Variants in CSNK1D observed in about 807,000 individuals in gnomAD.
The protein encoded by CSNK1D is casein kinase 1 delta.
In CSNK1D, 16 loss-of-function variants were observed where a neutral mutation model predicts 46.6. The observed-to-expected ratio is 0.34, with a 90% CI of 0.23 to 0.52. The LOEUF is 0.52. CSNK1D is among the 20% of genes least tolerant of loss of function. The pLI is 0.95. For missense variants in CSNK1D, 398 were observed against 578.4 expected (o/e 0.69, Z 3.20); for synonymous variants, 276 against 228.2 (o/e 1.21, Z -1.89).
rs1275670309 is a variant in CSNK1D, at chr17:82,255,852, C to G, written c.188-275G>C. Among the ~76,000 whole-genome samples the G allele has an allele frequency of 6.6e-6, 1 of 152,218 alleles. No individual in the cohort carries two copies. The highest frequency in any genetic ancestry group is 1.9e-4 in the East Asian group (1 of 5,190). Reference sequence around the variant, plus strand: ...GGGGATCGAAGCCCCACCTCCCCGACTCCCGTCTTCTAGGGCAGGGGGGCA... The same window carrying G: ...GGGGATCGAAGCCCCACCTCCCCGAGTCCCGTCTTCTAGGGCAGGGGGGCA... On this transcript the variant is annotated intron_variant, in intron 2 of 8. Coordinates refer to ENST00000314028, the MANE Select transcript of CSNK1D (RefSeq NM_001893.6). The surrounding 1 kb of genome is among the most constrained non-coding windows in gnomAD (Gnocchi z 5.9).
chr17:82,246,712 C>T, intron 8 of CSNK1D: 4 of 992,642 alleles, frequency 4.0e-6, no homozygotes, highest in Non-Finnish European at 4.8e-6. Context: ...CATCCACACC[C>T]AGCCACGGCC....
downstream of CSNK1D, chr17:82,239,793 C>T (rs368852326): frequency 1.8e-4 from 72 of 398,464 alleles, no homozygotes; most frequent in South Asian, 2.4e-3. Flanking sequence ...TTCCCTTTTT[C>T]GCCCCTCTGC....
At position 82,249,495 on chromosome 17, in the gene CSNK1D, G is replaced by A. The variant is rs776544101; in HGVS notation, c.993C>T (p.Ser331=). The A allele has an allele frequency of 2.1e-5, 32 of 1,543,580 alleles. No homozygotes were observed. The highest frequency in any genetic ancestry group is 7.3e-5 in the East Asian group (3 of 40,944). Reference sequence around the variant, plus strand: ...CTTCCTGCGTCCCCCGCAGGCGGCCGGAGGCTGTGGAAGGGAGGCCGCGGG... The same window carrying A: ...CTTCCTGCGTCCCCCGCAGGCGGCCAGAGGCTGTGGAAGGGAGGCCGCGGG... ...PATRGLPSTA[S]GRLRGTQEVA... Residue 331 remains serine, a synonymous_variant, in exon 7 of 9, where the codon TCC becomes TCT. Transcript: ENST00000314028. The surrounding 1 kb of genome is among the most constrained non-coding windows in gnomAD (Gnocchi z 6.7).
chr17:82,271,349 C>T (rs924312081), intron 1 of CSNK1D, among the ~76,000 whole-genome samples: 7 of 152,220 alleles, frequency 4.6e-5, no homozygotes, highest in African/African-American at 1.2e-4. Flanking sequence ...GGATTACAGG[C>T]GTGAGCCACC....
At chr17:82,260,339 TACTGACTGA>T (rs2051299642) in intron 2 of CSNK1D, among the ~76,000 whole-genome samples, 1 of 138,988 alleles carries the variant, frequency 7.2e-6, no homozygotes, top group South Asian at 2.2e-4. Flanking sequence ...ACTGATGGTG[TACTGACTGA>T]TGTGACTGAT....
rs773144315 is a variant in CSNK1D, at chr17:82,266,206, G to A, written c.77-410C>T. Among the ~76,000 whole-genome samples, 41 of 152,252 alleles carry A rather than the reference G, an allele frequency of 2.7e-4. No homozygotes were observed. In the Middle Eastern group the frequency reaches 0.017, roughly 63 times the overall value. On this transcript the variant is annotated intron_variant, in intron 1 of 8. Coordinates refer to ENST00000314028, the MANE Select transcript of CSNK1D (RefSeq NM_001893.6). ...TCTCCATGCTGCCTGATAGGCCTCC[G>A]AGGGGGTGGTTTGAGTTTCCCCCTG...
At chr17:82,239,090 C>A, downstream of CSNK1D, 1 of 1,040,650 alleles carries the variant, frequency 9.6e-7, no homozygotes. Context: ...CTCCAGCTGC[C>A]GGCCCAGCGG....
In CSNK1D at chr17:82,248,916, G is replaced by T; in HGVS notation, c.1156C>A (p.Leu386Ile). The change falls in exon 8 of 9, where the codon CTC becomes ATC. Residue 386 changes from leucine (L) to isoleucine (I), a missense_variant. Physicochemically the swap from Leu to Ile is conservative, Grantham distance 5. This residue lies in a region of CSNK1D where 181 missense variants were observed against 208.0 expected (regional missense o/e 0.87). Transcript: ENST00000314028. The surrounding 1 kb of genome is among the most constrained non-coding windows in gnomAD (Gnocchi z 4.1). The stretch of plus-strand genomic sequence containing the variant: ...CGAGAGGTATCTTGTCGGCCTGTGA[G>T]GTCGGACGAGGAGATGTTGACGGGG... ...GAPVNISSSDLTGRQDTSRMS... is the reference protein window; with the variant it reads ...GAPVNISSSDITGRQDTSRMS... 1 of 1,609,346 alleles carries T rather than the reference G, an allele frequency of 6.2e-7. No individual in the cohort carries two copies.
chr17:82,251,582 GTC>G lies in CSNK1D; in HGVS notation c.737-57_737-56del, dbSNP rs1652470222. On this transcript the variant is annotated intron_variant, in intron 5 of 8. Coordinates refer to ENST00000314028, the MANE Select transcript of CSNK1D (RefSeq NM_001893.6). This position sits in a 1 kb window ranked among gnomAD's most constrained non-coding sequence, Gnocchi z 4.5. ...ATGAAACCCAACTGCGACTCAAGGT[GTC>G]TCTGCCAACGTCGCTGTCTACCTCC... 19 of 1,598,866 alleles carry G rather than the reference GTC, an allele frequency of 1.2e-5. No homozygotes were observed. In the South Asian group the frequency reaches 1.7e-4, roughly 14 times the overall value.
downstream of CSNK1D, chr17:82,240,038 G>T (rs533227051): frequency 8.1e-7 from 1 of 1,233,684 alleles, no homozygotes; most frequent in African/African-American, 1.6e-5. Context: ...GCGTGCAGCC[G>T]GAGAGATGCC....
chr17:82,244,649 G>A lies in CSNK1D; in HGVS notation c.*132C>T. Reference sequence around the variant, plus strand: ...TATGTTTCCCCCACGAGCGTCGCTGGGTGAGTGGCCTGGAGAGCTCCCGGT... The same window carrying A: ...TATGTTTCCCCCACGAGCGTCGCTGAGTGAGTGGCCTGGAGAGCTCCCGGT... On this transcript the variant is annotated 3_prime_UTR_variant, in exon 9 of 9. Transcript: ENST00000314028. 3 of 1,559,088 alleles carry A rather than the reference G, an allele frequency of 1.9e-6. No individual in the cohort carries two copies. Among genetic ancestry groups the A allele is most frequent in the Non-Finnish European group, 2.6e-6 (3 of 1,157,830 alleles).
At chr17:82,260,187 A>C (rs1267319334) in intron 2 of CSNK1D, among the ~76,000 whole-genome samples, 1 of 132,744 alleles carries the variant, frequency 7.5e-6, no homozygotes, top group Non-Finnish European at 1.6e-5. Flanking sequence ...TGGTGTACTG[A>C]GTGGTGACTG....
intron 3 of CSNK1D, 158 bp from the exon 4 acceptor site, chr17:82,253,402 T>C (rs1022154017): frequency 1.3e-5 from 9 of 706,350 alleles, no homozygotes; most frequent in East Asian, 2.8e-5. Context: ...ACTGACCAAA[T>C]TGTTCCCCCA....
chr17:82,253,746 G>A (rs1220937169), intron 3 of CSNK1D: 3 of 334,708 alleles, frequency 9.0e-6, no homozygotes, highest in Non-Finnish European at 1.7e-5. Context: ...GCCTCCAGAA[G>A]CCTCGAGAAG....
Position 82,273,186 on chromosome 17 carries a change from G to A in CSNK1D, c.76+120C>T. On this transcript the variant is annotated intron_variant, in intron 1 of 8. Transcript: ENST00000314028. The surrounding 1 kb of genome is among the most constrained non-coding windows in gnomAD (Gnocchi z 5.1). Reference sequence around the variant, plus strand: ...CGTTGGGTTCTGGCCACGATCCGGCGGTGCCGGGACTTGCGCGGAGACCCC... The same window carrying A: ...CGTTGGGTTCTGGCCACGATCCGGCAGTGCCGGGACTTGCGCGGAGACCCC... 1.9e-6 allele frequency: 2 copies of A among 1,039,624 alleles called. No homozygotes were observed. Among genetic ancestry groups the A allele is most frequent in the South Asian group, 1.5e-5 (1 of 67,536 alleles). The allele number at this position is 1,039,624 out of a possible 1,614,324, so 64.4% of individuals were successfully genotyped here. A position where few individuals can be genotyped will look rare whatever the true frequency, so the allele number is the denominator to read the frequency against.
In CSNK1D at chr17:82,253,223, G is replaced by C; in HGVS notation, c.358C>G (p.His120Asp). 3.1e-6 allele frequency: 5 copies of C among 1,614,068 alleles called. No homozygotes were observed. The highest frequency in any genetic ancestry group is 4.2e-6 in the Non-Finnish European group (5 of 1,179,960). Residue 120 changes from histidine (H) to aspartate (D), a missense_variant, in exon 4 of 9, where the codon CAT becomes GAT. By Grantham distance (81) the His-to-Asp change is moderately conservative. Transcript: ENST00000314028. Reference protein sequence around the residue: ...DQMISRIEYIHSKNFIHRDVK... With the variant: ...DQMISRIEYIDSKNFIHRDVK... ...TCCCGGTGGATGAAGTTCTTTGAAT[G>C]AATGTATTCGATGCGACTGATCTGT...
chr17:82,247,976 C>A, intron 8 of CSNK1D: 1 of 985,492 alleles, frequency 1.0e-6, no homozygotes, highest in Non-Finnish European at 1.2e-6. Context: ...CAGCTACACC[C>A]AGCCCCGCTC....
In CSNK1D at chr17:82,243,112, T is replaced by G. The variant is rs1318702462; in HGVS notation, c.*1669A>C. 2.0e-6 allele frequency: 2 copies of G among 985,352 alleles called. No homozygotes were observed. The highest frequency in any genetic ancestry group is 2.4e-6 in the Non-Finnish European group (2 of 829,980). The allele number at this position is 985,352 out of a possible 1,614,324, so 61.0% of individuals were successfully genotyped here. A position where few individuals can be genotyped will look rare whatever the true frequency, so the allele number is the denominator to read the frequency against. On this transcript the variant is annotated 3_prime_UTR_variant, in exon 9 of 9. Transcript: ENST00000314028. ...CAGCTCCCACCCGCTCAAGGCCCCGTACTCCAAAACGCTTACACAGTAACC... is the reference window on the plus strand; with the variant it reads ...CAGCTCCCACCCGCTCAAGGCCCCGGACTCCAAAACGCTTACACAGTAACC...
At position 82,243,600 on chromosome 17, in the gene CSNK1D, G is replaced by A; in HGVS notation, c.*1181C>T. On this transcript the variant is annotated 3_prime_UTR_variant, in exon 9 of 9. Transcript: ENST00000314028. ...GCAGACTCTACTTTCTGGCCGTGAA[G>A]GTTCTGGGTCCGGTTGGGAGAGTCA... is the stretch of plus-strand genomic sequence containing the variant. 1 of 985,500 alleles carries A rather than the reference G, an allele frequency of 1.0e-6. No homozygotes were observed. The highest frequency in any genetic ancestry group is 1.2e-6 in the Non-Finnish European group (1 of 829,956). The allele number at this position is 985,500 out of a possible 1,614,324, so 61.0% of individuals were successfully genotyped here.
Sources: gnomAD v4.1 joint callset for allele counts (sites outside exome capture counted in the v4.1 genomes callset) on GRCh38, gnomAD v4.1.1 for gene constraint, gnomAD v4.1.1 regional missense constraint, Gnocchi (gnomAD v3.1) non-coding constraint, MANE v1.5 for transcripts, NCBI Gene and HGNC (gene_info 2026-07-23, HGNC 2026-07-21) for gene names.